Variants in QKI observed in about 807,000 individuals in gnomAD.
QKI encodes KH domain-containing RNA-binding protein QKI.
QKI carries 10 observed loss-of-function variants against 39.0 expected under a neutral mutation model. The observed-to-expected ratio is 0.26, with a 90% confidence interval of 0.16 to 0.43. The LOEUF (loss-of-function observed/expected upper bound fraction) is 0.43, where lower values mean the gene tolerates loss of function less well. Ranked by LOEUF, QKI falls within the 20% of genes least tolerant of loss-of-function variation. QKI has a pLI of 1.00. For missense variants in QKI, 218 were observed against 428.0 expected, an observed-to-expected ratio of 0.51 and a Z score of 4.33; for synonymous variants, 204 against 155.4, an observed-to-expected ratio of 1.31 and a Z score of -2.33.
At chr6:163,546,111 G>A (rs1781856248) in intron 4 of QKI, among the ~76,000 whole-genome samples, 1 of 149,780 alleles carries the variant, frequency 6.7e-6, no homozygotes, top group African/African-American at 2.4e-5. Context: ...AGTGTTTGGG[G>A]TTTTTTAAAA....
intron 2 of QKI, among the ~76,000 whole-genome samples, chr6:163,461,412 A>G (rs2759396): frequency 0.94 from 143,202 of 152,298 alleles, 67,363 homozygotes; most frequent in East Asian, 0.98. Context: ...TAAATAATAT[A>G]TTTTAGTATT....
intron 3 of QKI, among the ~76,000 whole-genome samples, chr6:163,484,199 CT>C (rs770147012): frequency 2.3e-3 from 329 of 141,084 alleles, no homozygotes; most frequent in South Asian, 7.3e-3. Context: ...GTACATTAGC[CT>C]TTTTTTTTTT....
intron 3 of QKI, among the ~76,000 whole-genome samples, chr6:163,509,559 A>T (rs183157963): frequency 9.7e-4 from 147 of 152,206 alleles, no homozygotes; most frequent in African/African-American, 3.3e-3. Flanking sequence ...ACAGGTTTCT[A>T]CATATTATGT....
intron 3 of QKI, among the ~76,000 whole-genome samples, chr6:163,490,659 A>G (rs1777993847): frequency 6.6e-6 from 1 of 152,184 alleles, no homozygotes; most frequent in Non-Finnish European, 1.5e-5. Context: ...ATAAAGGACC[A>G]TGAACCTTAT....
chr6:163,545,593 C>T (rs1157636965), intron 4 of QKI, among the ~76,000 whole-genome samples: 1 of 151,984 alleles, frequency 6.6e-6, no homozygotes. Flanking sequence ...TGATCAGGCT[C>T]CTTGGTGATA....
intron 3 of QKI, among the ~76,000 whole-genome samples, chr6:163,506,712 A>C (rs1779116234): frequency 6.6e-6 from 1 of 152,218 alleles, no homozygotes; most frequent in African/African-American, 2.4e-5. Context: ...TATAATGTGC[A>C]TAGTGCCTGG....
chr6:163,565,249 T>C (rs1190537709), intron 6 of QKI: 1 of 987,424 alleles, frequency 1.0e-6, no homozygotes, highest in East Asian at 1.1e-4. Flanking sequence ...TACTCTGTCC[T>C]GTGGTCCCGT....
At position 163,465,766 on chromosome 6, in the gene QKI, GATACAAAAATCAAC is replaced by G. The variant is rs1791693717; in HGVS notation, c.285+10358_285+10371del. Reference sequence around the variant, plus strand: ...ATCTGTTCACTTAGTCAAGTTCTGGGATACAAAAATCAACATACAAAAATCAGTTTTCTGTCTAT... The same window carrying G: ...ATCTGTTCACTTAGTCAAGTTCTGGGATACAAAAATCAGTTTTCTGTCTAT... On this transcript the variant is annotated intron_variant, in intron 2 of 7. Transcript: ENST00000361752. 2.0e-5 allele frequency among the ~76,000 whole-genome samples: 3 copies of G among 151,930 alleles called. No homozygotes were observed. The South Asian group carries it at 6.2e-4, about 31-fold the overall frequency.
At chr6:163,427,670 TGCCTGCATGTGTGTGC>T (rs1383479133) in intron 1 of QKI, among the ~76,000 whole-genome samples, 1 of 152,096 alleles carries the variant, frequency 6.6e-6, no homozygotes, top group Non-Finnish European at 1.5e-5. Context: ...TGCGTGTGTG[TGCCTGCATGTGTGTGC>T]GCGCGTGTGT....
chr6:163,424,190 T>C (rs1370051927), intron 1 of QKI, among the ~76,000 whole-genome samples: 4 of 152,160 alleles, frequency 2.6e-5, no homozygotes, highest in African/African-American at 9.7e-5. Flanking sequence ...GGTGAATACA[T>C]TTTTTTAAGA....
chr6:163,456,753 T>TA (rs1182656026), intron 2 of QKI, among the ~76,000 whole-genome samples: 3 of 152,132 alleles, frequency 2.0e-5, no homozygotes, highest in Middle Eastern at 3.4e-3. Flanking sequence ...GGTTGGAAGA[T>TA]TATTGAGTAA....
chr6:163,427,878 T>C (rs1479695179), intron 1 of QKI, among the ~76,000 whole-genome samples: 1 of 152,200 alleles, frequency 6.6e-6, no homozygotes, highest in Admixed American at 6.5e-5. Context: ...GCTTTTAAAG[T>C]CATATGAAGT....
rs144242961 is a variant in QKI, at chr6:163,424,463, A to G, written c.142+9128A>G. On this transcript the variant is annotated intron_variant, in intron 1 of 7. Coordinates refer to ENST00000361752, the MANE Select transcript of QKI (RefSeq NM_006775.3). ...CCTGGGATCTAATCATGACTCCGCA[A>G]TTAACTGGTTTGGTGATCTTGGGTG... Among the ~76,000 whole-genome samples the G allele has an allele frequency of 8.5e-5, 13 of 152,272 alleles. 1 individual carries two copies. The highest frequency in any genetic ancestry group is 2.6e-4 in the African/African-American group (11 of 41,552).
chr6:163,419,287 A>C (rs1787796089), intron 1 of QKI, among the ~76,000 whole-genome samples: 1 of 142,840 alleles, frequency 7.0e-6, no homozygotes, highest in African/African-American at 2.5e-5. Context: ...GATGTATCAT[A>C]AGGTTTTCTT....
At position 163,569,198 on chromosome 6, in the gene QKI, T is replaced by C. The variant is rs568111831; in HGVS notation, c.1010-1496T>C. On this transcript the variant is annotated intron_variant, in intron 7 of 7. Transcript: ENST00000361752. The stretch of plus-strand genomic sequence containing the variant: ...CAGCAATTTTTATTTTAAATAAAAT[T>C]CCACTTTTAAGAAATTCAGGGAAGA... The C allele has an allele frequency of 5.2e-6, 5 of 959,230 alleles. No individual in the cohort carries two copies. The South Asian group carries it at 2.4e-4, about 45-fold the overall frequency. 59.4% of individuals were successfully genotyped at this position (959,230 alleles called of 1,614,324 possible). A position where few individuals can be genotyped will look rare whatever the true frequency, so the allele number is the denominator to read the frequency against.
rs1418302183 is a variant in QKI, at chr6:163,463,638, C to T, written c.285+8217C>T. ...ATATAACTGGATAATAAGCTGAAAC[C>T]ATTCAAAACAAATTCACGTGAGGAA... On this transcript the variant is annotated intron_variant, in intron 2 of 7. Coordinates refer to ENST00000361752, the MANE Select transcript of QKI (RefSeq NM_006775.3). 3.3e-5 allele frequency among the ~76,000 whole-genome samples: 5 copies of T among 152,226 alleles called. No individual in the cohort carries two copies. In the East Asian group the frequency reaches 9.6e-4, roughly 29 times the overall value.
chr6:163,539,002 G>A (rs1781360549), intron 4 of QKI, among the ~76,000 whole-genome samples: 1 of 152,180 alleles, frequency 6.6e-6, no homozygotes, highest in Non-Finnish European at 1.5e-5. Flanking sequence ...TGAGAAAGTG[G>A]AACCTAGAAT....
At chr6:163,431,523 G>C (rs952937829) in intron 1 of QKI, among the ~76,000 whole-genome samples, 2 of 152,106 alleles carry the variant, frequency 1.3e-5, no homozygotes, top group Non-Finnish European at 2.9e-5. Flanking sequence ...GGGAATGACT[G>C]AATTGTGAGG....
chr6:163,430,235 T>A (rs953406502), intron 1 of QKI, among the ~76,000 whole-genome samples: 1 of 152,164 alleles, frequency 6.6e-6, no homozygotes. Flanking sequence ...GATTTTCTTA[T>A]CTCTATCCTG....
Sources: allele counts gnomAD v4.1 joint callset (sites outside exome capture counted in the v4.1 genomes callset), GRCh38; gene constraint gnomAD v4.1.1; transcripts MANE v1.5; gene names NCBI Gene and HGNC (gene_info 2026-07-23, HGNC 2026-07-21).